The following ATP6V1H variants were observed in gnomAD, a reference collection of about 807,000 sequenced individuals.
The protein encoded by ATP6V1H is V-type proton ATPase subunit H.
A neutral mutation model predicts 71.7 loss-of-function variants in ATP6V1H; 39 were observed. That is an observed-to-expected ratio of 0.54 (90% confidence interval 0.42 to 0.71). ATP6V1H has a LOEUF of 0.71. Ranked by LOEUF, ATP6V1H falls within the 30% of genes least tolerant of loss-of-function variation. The pLI, the probability that ATP6V1H is intolerant of heterozygous loss-of-function variation, is 0.00. For synonymous variants in ATP6V1H, 192 were observed against 199.3 expected, an observed-to-expected ratio of 0.96 and a Z score of 0.31; for missense variants, 509 against 594.9, an observed-to-expected ratio of 0.86 and a Z score of 1.50.
chr8:53,772,009 T>G lies in ATP6V1H; in HGVS notation c.1029A>C (p.Gly343=). 6.2e-7 allele frequency: 1 copy of G among 1,613,980 alleles called. No homozygotes were observed. The highest frequency in any genetic ancestry group is 8.5e-7 in the Non-Finnish European group (1 of 1,179,900). ...EDIKFLLEKL[G]ESVQDLSSFD... ...CACACCTAAGGTCCTGGACACTCTC[T>G]CCAAGTTTTTCCAAAAGAAATTTGA... Residue 343 remains glycine, a synonymous_variant, in exon 10 of 14, where the codon GGA becomes GGC. Transcript: ENST00000359530.
chr8:53,784,358 A>ACC (rs1563465478), intron 9 of ATP6V1H, among the ~76,000 whole-genome samples: 2 of 151,936 alleles, frequency 1.3e-5, no homozygotes, highest in African/African-American at 4.8e-5. Flanking sequence ...TAGGATTGCA[A>ACC]CCCCTGCCTT....
intron 4 of ATP6V1H, among the ~76,000 whole-genome samples, chr8:53,827,004 G>A (rs1371100543): frequency 6.6e-6 from 1 of 151,592 alleles, no homozygotes; most frequent in Non-Finnish European, 1.5e-5. Flanking sequence ...GGTGGGAATG[G>A]GCTAGGATTA....
chr8:53,731,480 A>G lies in ATP6V1H; in HGVS notation c.1391+12097T>C, dbSNP rs147709281. Among the ~76,000 whole-genome samples the G allele has an allele frequency of 2.1e-3, 326 of 152,304 alleles. 2 individuals carry two copies. The highest frequency in any genetic ancestry group is 7.5e-3 in the African/African-American group (311 of 41,562). On this transcript the variant is annotated intron_variant, in intron 13 of 13. Coordinates refer to ENST00000359530, the MANE Select transcript of ATP6V1H (RefSeq NM_015941.4). ...GATTCCAGGCATTGTATAAGGAAGC[A>G]TTGTGAAGCTTTCTGTTCTGTTCTG...
chr8:53,802,320 A>G (rs532689325), intron 7 of ATP6V1H, among the ~76,000 whole-genome samples: 5 of 152,362 alleles, frequency 3.3e-5, no homozygotes, highest in Admixed American at 2.6e-4. Context: ...AGATAGGCCT[A>G]TATGTAAATG....
chr8:53,730,494 A>G (rs966668863), intron 13 of ATP6V1H, among the ~76,000 whole-genome samples: 4 of 152,112 alleles, frequency 2.6e-5, no homozygotes, highest in African/African-American at 9.7e-5. Flanking sequence ...GTTTTTTTAG[A>G]TTATCATTTA....
intron 13 of ATP6V1H, among the ~76,000 whole-genome samples, chr8:53,716,986 G>A (rs183673890): frequency 1.1e-4 from 16 of 152,304 alleles, no homozygotes; most frequent in Non-Finnish European, 1.5e-5. Flanking sequence ...TGACCTCCTG[G>A]GTATTCCCAT....
chr8:53,745,693 A>G (rs1807576972), intron 12 of ATP6V1H, among the ~76,000 whole-genome samples: 1 of 151,744 alleles, frequency 6.6e-6, no homozygotes, highest in South Asian at 2.1e-4. Context: ...AAACAGGAAA[A>G]TCACCACACA....
chr8:53,812,575 A>C (rs777146537), intron 6 of ATP6V1H, among the ~76,000 whole-genome samples: 1 of 152,206 alleles, frequency 6.6e-6, no homozygotes, highest in Non-Finnish European at 1.5e-5. Context: ...AAAAGCTAGT[A>C]GCACGCCACG....
At chr8:53,737,420 C>A (rs574989055) in intron 13 of ATP6V1H, among the ~76,000 whole-genome samples, 1 of 152,190 alleles carries the variant, frequency 6.6e-6, no homozygotes, top group African/African-American at 2.4e-5. Context: ...AGTGTTCAAA[C>A]CAGACACTGA....
At chr8:53,778,113 T>G (rs1264674849) in intron 9 of ATP6V1H, among the ~76,000 whole-genome samples, 1 of 152,190 alleles carries the variant, frequency 6.6e-6, no homozygotes, top group Non-Finnish European at 1.5e-5. Context: ...ATGTGTATTG[T>G]GACTCCAAAA....
At chr8:53,734,595 C>T (rs145652924) in intron 13 of ATP6V1H, among the ~76,000 whole-genome samples, 6 of 152,286 alleles carry the variant, frequency 3.9e-5, no homozygotes, top group Non-Finnish European at 7.3e-5. Flanking sequence ...GCTTGTTAAA[C>T]TCCAGAGGAA....
At chr8:53,842,051 A>T (rs569915895) in intron 1 of ATP6V1H, among the ~76,000 whole-genome samples, 7 of 152,254 alleles carry the variant, frequency 4.6e-5, no homozygotes, top group Non-Finnish European at 8.8e-5. Context: ...GAAAAATTGT[A>T]AATTTATACA....
At chr8:53,842,499 C>G (rs1811375767) in intron 1 of ATP6V1H, 1 of 152,212 alleles carries the variant, frequency 6.6e-6, no homozygotes, top group Non-Finnish European at 1.5e-5. Context: ...AAGTTAAAAT[C>G]CTACCCAAAA....
chr8:53,774,652 A>T (rs1808797783), intron 9 of ATP6V1H, among the ~76,000 whole-genome samples: 1 of 152,172 alleles, frequency 6.6e-6, no homozygotes, highest in African/African-American at 2.4e-5. Flanking sequence ...AATATAAAAG[A>T]TTACCTGAAC....
At chr8:53,739,364 G>A (rs1807336889) in intron 13 of ATP6V1H, among the ~76,000 whole-genome samples, 1 of 152,106 alleles carries the variant, frequency 6.6e-6, no homozygotes, top group African/African-American at 2.4e-5. Flanking sequence ...ATGCAAAGCA[G>A]ATAGAAACAC....
intron 13 of ATP6V1H, among the ~76,000 whole-genome samples, chr8:53,733,777 T>C (rs1179606283): frequency 6.6e-6 from 1 of 152,100 alleles, no homozygotes; most frequent in Admixed American, 6.5e-5. Context: ...CACGAACCTT[T>C]TGAATAGGGG....
At position 53,801,890 on chromosome 8, in the gene ATP6V1H, G is replaced by T; in HGVS notation, c.586C>A (p.Gln196Lys). 6.2e-7 allele frequency: 1 copy of T among 1,613,188 alleles called. No homozygotes were observed. The highest frequency in any genetic ancestry group is 8.5e-7 in the Non-Finnish European group (1 of 1,179,592). Reference sequence around the variant, plus strand: ...CACCCGGCCACGCACTGCACATACTGCGAACTCTGCACAAGAAGAAGTGTT... The same window carrying T: ...CACCCGGCCACGCACTGCACATACTTCGAACTCTGCACAAGAAGAAGTGTT... ...TGTVSSSDSSQYVQCVAGCLQ... is the reference protein window; with the variant it reads ...TGTVSSSDSSKYVQCVAGCLQ... The change falls in exon 8 of 14, where the codon CAG (glutamine) becomes AAG (lysine). Residue 196 changes from glutamine (Q) to lysine (K), a missense_variant. Coordinates refer to ENST00000359530, the MANE Select transcript of ATP6V1H (RefSeq NM_015941.4).
intron 8 of ATP6V1H, 86 bp downstream of exon 8, chr8:53,801,713 C>A (rs557885495): frequency 2.7e-4 from 295 of 1,102,458 alleles, no homozygotes; most frequent in Admixed American, 1.1e-3. Context: ...TAAAATATTT[C>A]TTTTAGATGA....
intron 9 of ATP6V1H, among the ~76,000 whole-genome samples, chr8:53,776,986 A>T (rs1166028626): frequency 2.0e-5 from 3 of 152,218 alleles, no homozygotes; most frequent in Non-Finnish European, 4.4e-5. Flanking sequence ...AGACAGAGCA[A>T]CAGAAATTAT....
Sources: gnomAD v4.1 joint callset for allele counts (sites outside exome capture counted in the v4.1 genomes callset) on GRCh38, gnomAD v4.1.1 for gene constraint, MANE v1.5 for transcripts, NCBI Gene and HGNC (gene_info 2026-07-23, HGNC 2026-07-21) for gene names.